Variants in AKAP6 observed in about 807,000 individuals in gnomAD.
AKAP6 encodes A-kinase anchoring protein 6, also known as A-kinase anchor protein 6.
AKAP6 carries 58 observed loss-of-function variants against 188.5 expected under a neutral mutation model. The observed-to-expected ratio is 0.31, with a 90% CI of 0.25 to 0.38. AKAP6 has a LOEUF of 0.38. AKAP6 is among the 10% of genes least tolerant of loss of function. The pLI is 1.00. For synonymous variants in AKAP6, 989 were observed against 998.6 expected, an observed-to-expected ratio of 0.99 and a Z score of 0.18; for missense variants, 2,710 against 2,740.0, an observed-to-expected ratio of 0.99 and a Z score of 0.24.
At chr14:32,558,578 A>C (rs1883791169) in intron 4 of AKAP6, among the ~76,000 whole-genome samples, 1 of 152,206 alleles carries the variant, frequency 6.6e-6, no homozygotes, top group South Asian at 2.1e-4. Context: ...AGAATATTCA[A>C]GGTATGTTTG....
intron 1 of AKAP6, among the ~76,000 whole-genome samples, chr14:32,424,657 C>G (rs2138676565): frequency 6.6e-6 from 1 of 152,294 alleles, no homozygotes; most frequent in South Asian, 2.1e-4. Context: ...TCCCCCTACT[C>G]TCTACCCTCT....
At chr14:32,346,061 C>A (rs1157716272) in intron 1 of AKAP6, among the ~76,000 whole-genome samples, 1 of 152,096 alleles carries the variant, frequency 6.6e-6, no homozygotes, top group East Asian at 1.9e-4. Flanking sequence ...TTTCATCACA[C>A]CCCAAAGGTT....
intron 1 of AKAP6, among the ~76,000 whole-genome samples, chr14:32,358,071 G>A (rs1887540808): frequency 6.6e-6 from 1 of 152,234 alleles, no homozygotes; most frequent in Non-Finnish European, 1.5e-5. Context: ...GTGTCCTACA[G>A]AATTGAAAGA....
chr14:32,673,887 G>T (rs1442855458), intron 7 of AKAP6, among the ~76,000 whole-genome samples: 2 of 152,128 alleles, frequency 1.3e-5, no homozygotes, highest in Admixed American at 6.5e-5. Flanking sequence ...GGAGTTTGGG[G>T]TCTAGAAAAA....
chr14:32,682,128 G>A (rs1432356862), intron 8 of AKAP6, among the ~76,000 whole-genome samples: 3 of 152,090 alleles, frequency 2.0e-5, no homozygotes, highest in African/African-American at 7.2e-5. Context: ...GTGTCAAGTA[G>A]AATTAGAGCA....
chr14:32,455,766 A>C (rs1037421695), intron 2 of AKAP6, among the ~76,000 whole-genome samples: 5 of 152,096 alleles, frequency 3.3e-5, no homozygotes, highest in African/African-American at 1.2e-4. Context: ...CTTTAGATCT[A>C]CTCTGATCTG....
chr14:32,785,224 G>C (rs568053773), intron 12 of AKAP6, among the ~76,000 whole-genome samples: 1 of 152,036 alleles, frequency 6.6e-6, no homozygotes, highest in Non-Finnish European at 1.5e-5. Context: ...TTCATCAGAA[G>C]AAATACATGA....
chr14:32,511,251 T>C (rs747220424), intron 2 of AKAP6, among the ~76,000 whole-genome samples: 1 of 152,192 alleles, frequency 6.6e-6, no homozygotes. Flanking sequence ...TCTTCCAGAG[T>C]CTGATTAGTG....
At chr14:32,434,308 T>C (rs959627298) in intron 2 of AKAP6, among the ~76,000 whole-genome samples, 58 of 152,224 alleles carry the variant, frequency 3.8e-4, no homozygotes, top group African/African-American at 1.4e-3. Context: ...GGCACAATGC[T>C]TCATGTAGAA....
chr14:32,734,429 C>T (rs1160141521), intron 10 of AKAP6: 1 of 152,054 alleles, frequency 6.6e-6, no homozygotes. Flanking sequence ...TATTAAACAA[C>T]CCTATCAAGG....
chr14:32,830,212 C>A lies in AKAP6; in HGVS notation c.*407C>A, dbSNP rs756563475. 1.6e-5 allele frequency: 7 copies of A among 430,540 alleles called. No homozygotes were observed. Among genetic ancestry groups the A allele is most frequent in the Non-Finnish European group, 2.9e-5 (7 of 243,114 alleles). The allele number at this position is 430,540 out of a possible 1,614,324, so 26.7% of individuals were successfully genotyped here. A position where few individuals can be genotyped will look rare whatever the true frequency, so the allele number is the denominator to read the frequency against. On this transcript the variant is annotated 3_prime_UTR_variant, in exon 14 of 14. Coordinates refer to ENST00000280979, the MANE Select transcript of AKAP6 (RefSeq NM_004274.5). ...AATTCTCCTGTCTAGAATGACCCCCCCACCAGTACTTGACCAATTTCATGT... is the reference window on the plus strand; with the variant it reads ...AATTCTCCTGTCTAGAATGACCCCCACACCAGTACTTGACCAATTTCATGT...
Position 32,545,541 on chromosome 14 carries a change from A to G in AKAP6, c.888A>G (p.Gln296=), listed in dbSNP as rs772076037. ...AAGCAGTTACTGAGGAGGTATCTCA[A>G]GTATCTCTCTCAGTAGACGACAAAG... ...GSEAVTEEVS[Q]VSLSVDDKGG... Residue 296 remains glutamine, a synonymous_variant, in exon 4 of 14, where the codon CAA becomes CAG. Transcript: ENST00000280979. The G allele has an allele frequency of 1.2e-6, 2 of 1,614,238 alleles. No homozygotes were observed. The highest frequency in any genetic ancestry group is 1.7e-6 in the Non-Finnish European group (2 of 1,180,032).
At chr14:32,567,646 C>T (rs892022641) in intron 4 of AKAP6, among the ~76,000 whole-genome samples, 2 of 152,092 alleles carry the variant, frequency 1.3e-5, no homozygotes, top group Admixed American at 1.3e-4. Flanking sequence ...CACATGTAAT[C>T]TTTTGAATAA....
intron 7 of AKAP6, chr14:32,617,137 A>G (rs1468984413): frequency 2.0e-5 from 3 of 152,346 alleles, no homozygotes; most frequent in Non-Finnish European, 4.4e-5. Flanking sequence ...TCCATTGCCT[A>G]TCTATAAAGT....
At chr14:32,385,143 C>T (rs201087023) in intron 1 of AKAP6, 2 of 36,954 alleles carry the variant, frequency 5.4e-5, no homozygotes, top group Non-Finnish European at 1.6e-4. Context: ...CCTCATGACA[C>T]TCTGAAAAAA....
At chr14:32,650,161 CCTAAACA>C (rs1213963302) in intron 7 of AKAP6, among the ~76,000 whole-genome samples, 1 of 152,034 alleles carries the variant, frequency 6.6e-6, no homozygotes, top group Non-Finnish European at 1.5e-5. Flanking sequence ...AATGAAACTC[CCTAAACA>C]CTAAAGTAGT....
intron 7 of AKAP6, among the ~76,000 whole-genome samples, chr14:32,673,222 C>A (rs879616833): frequency 6.6e-5 from 10 of 152,160 alleles, no homozygotes; most frequent in Admixed American, 3.3e-4. Flanking sequence ...TGCTCCATAC[C>A]CCCAACCCCC....
rs141274707 is a variant in AKAP6 at position 32,587,106 on chromosome 14, G to A, written c.2469+9864G>A. Among the ~76,000 whole-genome samples the A allele has an allele frequency of 3.9e-3, 594 of 152,170 alleles. 10 individuals carry two copies. Among genetic ancestry groups the A allele is most frequent in the African/African-American group, 0.014 (573 of 41,526 alleles). Reference sequence around the variant, plus strand: ...ACAGATGGCATCTTACTGTAGTTTAGTTTGTATTTCTTGTCTTCTAAGTGG... The same window carrying A: ...ACAGATGGCATCTTACTGTAGTTTAATTTGTATTTCTTGTCTTCTAAGTGG... On this transcript the variant is annotated intron_variant, in intron 5 of 13. Coordinates refer to ENST00000280979, the MANE Select transcript of AKAP6 (RefSeq NM_004274.5).
chr14:32,350,374 A>G (rs1298886711), intron 1 of AKAP6, among the ~76,000 whole-genome samples: 1 of 152,170 alleles, frequency 6.6e-6, no homozygotes, highest in Admixed American at 6.5e-5. Flanking sequence ...TTATCAGATA[A>G]ACCGAGACTG....
Sources: allele counts gnomAD v4.1 joint callset (sites outside exome capture counted in the v4.1 genomes callset), GRCh38; gene constraint gnomAD v4.1.1; transcripts MANE v1.5; gene names NCBI Gene and HGNC (gene_info 2026-07-23, HGNC 2026-07-21).